Variants in HERC2 observed in about 807,000 individuals in gnomAD.
HERC2 encodes HECT and RLD domain containing E3 ubiquitin protein ligase 2, also known as E3 ubiquitin-protein ligase HERC2.
A neutral mutation model predicts 537.7 loss-of-function variants in HERC2; 102 were observed. The ratio of observed to expected loss-of-function variants is 0.19; its 90% CI spans 0.16 to 0.22. The LOEUF (loss-of-function observed/expected upper bound fraction) is 0.22, where lower values mean the gene tolerates loss of function less well. Ranked by LOEUF, HERC2 falls within the 10% of genes least tolerant of loss-of-function variation. The probability of loss-of-function intolerance (pLI) is 1.00; values close to 1 mark genes in which losing one functional copy is unlikely to be tolerated. For synonymous variants in HERC2, 2,224 were observed against 2,466.2 expected (o/e 0.90, Z 2.91); for missense variants, 4,236 against 6,198.2 (o/e 0.68, Z 10.63).
chr15:28,127,679 C>T (rs1022723595), intron 83 of HERC2, among the ~76,000 whole-genome samples: 2 of 152,056 alleles, frequency 1.3e-5, no homozygotes, highest in Non-Finnish European at 2.9e-5. Flanking sequence ...CAGGTCGAGG[C>T]GTGGGGCATG....
At chr15:28,290,210 A>C (rs553028928) in intron 4 of HERC2, among the ~76,000 whole-genome samples, 3 of 152,360 alleles carry the variant, frequency 2.0e-5, no homozygotes, top group East Asian at 1.9e-4. Flanking sequence ...CTAACAGTGA[A>C]TAGAACAAGT....
Position 28,198,482 on chromosome 15 carries a change from G to A in HERC2, c.7907C>T (p.Ser2636Phe). The A allele has an allele frequency of 6.2e-7, 1 of 1,614,072 alleles. No individual in the cohort carries two copies. The highest frequency in any genetic ancestry group is 2.2e-5 in the East Asian group (1 of 44,882). Residue 2636 changes from serine to phenylalanine, a missense_variant, in exon 50 of 93, where the codon TCT becomes TTT. This residue lies in a region of HERC2 where 606 missense variants were observed against 884.5 expected (regional missense o/e 0.69). Transcript: ENST00000261609. ...TTTATCACCAATCTTGATGTGAGAAGAAGAACTTGGTGGAGGATAGCCTAC... is the reference window on the plus strand; with the variant it reads ...TTTATCACCAATCTTGATGTGAGAAAAAGAACTTGGTGGAGGATAGCCTAC... Reference protein sequence around the residue: ...ELIGYPPPSSSSHIKIGDKVR... With the variant: ...ELIGYPPPSSFSHIKIGDKVR...
chr15:28,167,812 C>A lies in HERC2; in HGVS notation c.10429G>T (p.Asp3477Tyr), dbSNP rs1431780967. Residue 3477 changes from aspartate to tyrosine, a missense_variant, in exon 68 of 93, where the codon GAC becomes TAC. Asp to Tyr is a radical substitution (Grantham distance 160). Coordinates refer to ENST00000261609, the MANE Select transcript of HERC2 (RefSeq NM_004667.6). Reference sequence around the variant, plus strand: ...GTCACTGCAGAGGGGGTCACTGCGTCCTCAGAGGAAACAATCTAGTCCAAG... The same window carrying A: ...GTCACTGCAGAGGGGGTCACTGCGTACTCAGAGGAAACAATCTAGTCCAAG... ...QEKREIVSSEDAVTPSAVTPS... is the reference protein window; with the variant it reads ...QEKREIVSSEYAVTPSAVTPS... The A allele has an allele frequency of 6.2e-7, 1 of 1,613,130 alleles. No homozygotes were observed. Among genetic ancestry groups the A allele is most frequent in the East Asian group, 2.2e-5 (1 of 44,886 alleles).
chr15:28,240,991 T>G (rs2140738431), intron 23 of HERC2, among the ~76,000 whole-genome samples: 1 of 152,334 alleles, frequency 6.6e-6, no homozygotes, highest in South Asian at 2.1e-4. Context: ...TTTGGTGACG[T>G]GTCTTGAATA....
intron 56 of HERC2, among the ~76,000 whole-genome samples, chr15:28,182,990 T>C (rs1391189518): frequency 6.6e-6 from 1 of 152,164 alleles, no homozygotes; most frequent in Non-Finnish European, 1.5e-5. Context: ...ATAAAACGGA[T>C]GTGGCCACAT....
intron 2 of HERC2, among the ~76,000 whole-genome samples, chr15:28,317,584 G>C (rs1302198732): frequency 6.6e-6 from 1 of 152,142 alleles, no homozygotes; most frequent in African/African-American, 2.4e-5. Flanking sequence ...CATATCACTT[G>C]GTAATCTCAC....
intron 87 of HERC2, 56 bp downstream of exon 87, chr15:28,116,957 G>C: frequency 6.2e-7 from 1 of 1,612,736 alleles, no homozygotes; most frequent in African/African-American, 1.3e-5. Flanking sequence ...GCTCCCTGTG[G>C]GCTCAGGCGA....
At chr15:28,149,973 C>T (rs186189888) in intron 70 of HERC2, among the ~76,000 whole-genome samples, 235 of 152,116 alleles carry the variant, frequency 1.5e-3, no homozygotes, top group African/African-American at 5.3e-3. Flanking sequence ...GGCTCCTAAC[C>T]GAGAACATCA....
rs1209553814 is a variant in HERC2 at position 28,304,725 on chromosome 15, T to TTA, written c.73-5210_73-5209insTA. On this transcript the variant is annotated intron_variant, in intron 2 of 92. Coordinates refer to ENST00000261609, the MANE Select transcript of HERC2 (RefSeq NM_004667.6). ...CCATTTTTTTTTTTTTTTTTTTTTT[T>TTA]ATACTTTAAGTTTTAGGGTACATGT... 2.5e-3 allele frequency among the ~76,000 whole-genome samples: 361 copies of TTA among 145,478 alleles called. 4 individuals are homozygous for TTA. The highest frequency in any genetic ancestry group is 9.0e-3 in the African/African-American group (343 of 37,930).
chr15:28,273,074 A>C, intron 7 of HERC2, 70 bp from the exon 8 acceptor site: 1 of 1,078,402 alleles, frequency 9.3e-7, no homozygotes, highest in East Asian at 2.4e-5. Flanking sequence ...AATCACACTA[A>C]CACATTTACT....
chr15:28,128,849 C>G (rs1889789702), intron 83 of HERC2, among the ~76,000 whole-genome samples: 1 of 152,170 alleles, frequency 6.6e-6, no homozygotes, highest in South Asian at 2.1e-4. Flanking sequence ...GGTCCAGGTT[C>G]CTTGCTGGCT....
At chr15:28,121,284 G>C (rs377614550) in intron 86 of HERC2, 62 bp downstream of exon 86, 2 of 1,461,710 alleles carry the variant, frequency 1.4e-6, no homozygotes, top group East Asian at 2.3e-5. Context: ...TCCCAGCCCA[G>C]GTACCCACGA....
rs187592572 is a variant in HERC2, at chr15:28,232,324, C to T, written c.4675+822G>A. Among the ~76,000 whole-genome samples, 77 of 152,172 alleles carry T rather than the reference C, an allele frequency of 5.1e-4. No individual in the cohort carries two copies. In the East Asian group the frequency reaches 0.01, roughly 20 times the overall value. ...TTGGGAGGCCGAGGCAGGCAGATCA[C>T]GAGGTCAGGAGATCAAGACCATCTT... is the stretch of plus-strand genomic sequence containing the variant. On this transcript the variant is annotated intron_variant, in intron 30 of 92. Coordinates refer to ENST00000261609, the MANE Select transcript of HERC2 (RefSeq NM_004667.6).
intron 2 of HERC2, among the ~76,000 whole-genome samples, chr15:28,318,266 G>A (rs9331441): frequency 0.021 from 3,263 of 152,058 alleles, 92 homozygotes; most frequent in African/African-American, 0.075. Flanking sequence ...GCTCTGTAAC[G>A]TATTACTCTT....
chr15:28,271,716 G>A (rs918399261), intron 9 of HERC2, among the ~76,000 whole-genome samples: 4 of 152,104 alleles, frequency 2.6e-5, no homozygotes, highest in East Asian at 1.9e-4. Context: ...ACCAAAGCAC[G>A]ATATTGGAAT....
intron 4 of HERC2, among the ~76,000 whole-genome samples, chr15:28,285,899 C>T (rs1475777222): frequency 6.6e-6 from 1 of 151,062 alleles, no homozygotes; most frequent in African/African-American, 2.4e-5. Context: ...AGGAACAACT[C>T]TACACATGTA....
Position 28,228,154 on chromosome 15 carries a change from A to C in HERC2, c.5464+64T>G. The C allele has an allele frequency of 2.2e-6, 3 of 1,391,406 alleles. No individual in the cohort carries two copies. In the Admixed American group the frequency reaches 6.6e-5, roughly 30 times the overall value. 86.2% of individuals were successfully genotyped at this position (1,391,406 alleles called of 1,614,324 possible). ...TAAAAAAAAAAAAAAAGAAAAGAAAAGAAAAGAAATCAAAGCAAAATCTTG... is the reference window on the plus strand; with the variant it reads ...TAAAAAAAAAAAAAAAGAAAAGAAACGAAAAGAAATCAAAGCAAAATCTTG... On this transcript the variant is annotated intron_variant, in intron 35 of 92. Coordinates refer to ENST00000261609, the MANE Select transcript of HERC2 (RefSeq NM_004667.6).
At chr15:28,121,314 G>T in intron 86 of HERC2, 32 bp downstream of exon 86, 2 of 1,594,770 alleles carry the variant, frequency 1.3e-6, no homozygotes, top group Non-Finnish European at 1.7e-6. Flanking sequence ...TTCTAAGGCT[G>T]TCAGACTTGG....
Position 28,233,198 on chromosome 15 carries a change from G to T in HERC2, c.4623C>A (p.Pro1541=). Residue 1541 remains proline, a synonymous_variant, in exon 30 of 93, where the codon CCC becomes CCA. Coordinates refer to ENST00000261609, the MANE Select transcript of HERC2 (RefSeq NM_004667.6). ...TCTTTTGAGCTATCCTCCTCCAACG[G>T]GGCAAAGAACTTAACAATTTAAACT... is the stretch of plus-strand genomic sequence containing the variant. ...MSKFKLLSSL[P]RWRRIAQKII... 6.2e-7 allele frequency: 1 copy of T among 1,611,634 alleles called. No homozygotes were observed. Among genetic ancestry groups the T allele is most frequent in the East Asian group, 2.2e-5 (1 of 44,872 alleles).
Sources: gnomAD v4.1 joint callset for allele counts (sites outside exome capture counted in the v4.1 genomes callset) on GRCh38, gnomAD v4.1.1 for gene constraint, gnomAD v4.1.1 regional missense constraint, MANE v1.5 for transcripts, NCBI Gene and HGNC (gene_info 2026-07-23, HGNC 2026-07-21) for gene names.